Variants in MAEL observed in about 807,000 individuals in gnomAD.
MAEL encodes the protein maelstrom spermatogenic transposon silencer.
Under a neutral mutation model 62.0 loss-of-function variants are expected in MAEL, and 46 were observed. The observed-to-expected ratio is 0.74, with a 90% CI of 0.59 to 0.95. The LOEUF is 0.95. Ranked by LOEUF, MAEL falls within the 40% of genes least tolerant of loss-of-function variation. The pLI is 0.00. For missense variants in MAEL, 497 were observed against 526.8 expected (o/e 0.94, Z 0.55); for synonymous variants, 172 against 175.5 (o/e 0.98, Z 0.16).
intron 8 of MAEL, among the ~76,000 whole-genome samples, chr1:167,012,789 G>T (rs1283300232): frequency 6.6e-6 from 1 of 152,138 alleles, no homozygotes; most frequent in Admixed American, 6.6e-5. Flanking sequence ...AGATAGAAAA[G>T]CCTTGAGGTA....
rs562819345 is a variant in MAEL, at chr1:166,989,336, A to G, written c.-17A>G. 1.8e-5 allele frequency: 29 copies of G among 1,605,912 alleles called. No homozygotes were observed. Among genetic ancestry groups the G allele is most frequent in the East Asian group, 2.2e-5 (1 of 44,590 alleles). The stretch of plus-strand genomic sequence containing the variant: ...TGCTTTGTTCTGTCTGAGGCCAGGA[A>G]GTTTGACCGCGCTGCCATGCCGAAC... On this transcript the variant is annotated 5_prime_UTR_variant, in exon 1 of 12. Coordinates refer to ENST00000367872, the MANE Select transcript of MAEL (RefSeq NM_032858.3).
At chr1:167,000,733 T>G (rs1571256221) in intron 5 of MAEL, among the ~76,000 whole-genome samples, 1 of 152,196 alleles carries the variant, frequency 6.6e-6, no homozygotes, top group Non-Finnish European at 1.5e-5. Context: ...AACTGCAGGC[T>G]TCAGCAACCA....
chr1:166,981,630 TC>T (rs1663761125), intron 1 of MAEL, among the ~76,000 whole-genome samples: 1 of 152,160 alleles, frequency 6.6e-6, no homozygotes, highest in African/African-American at 2.4e-5. Context: ...AGAGATATCT[TC>T]ATGAAAAGGT....
chr1:166,989,352 C>T lies in MAEL; in HGVS notation c.-1C>T, dbSNP rs1468594565. The T allele has an allele frequency of 1.2e-6, 2 of 1,609,402 alleles. No individual in the cohort carries two copies. The highest frequency in any genetic ancestry group is 1.3e-5 in the African/African-American group (1 of 75,008). On this transcript the variant is annotated 5_prime_UTR_variant, in exon 1 of 12. Transcript: ENST00000367872. ...AGGCCAGGAAGTTTGACCGCGCTGC[C>T]ATGCCGAACCGTAAGGCCAGCCGGA...
Position 167,021,078 on chromosome 1 carries a change from C to T in MAEL, c.1042-7C>T, listed in dbSNP as rs1665609325. ...TTTTCCCCCTGGTATTTTCCTGTTA[C>T]TTACAGAAGCTAAGGGTTGGGAGTT... is the stretch of plus-strand genomic sequence containing the variant. On this transcript the variant is annotated splice_polypyrimidine_tract_variant and splice_region_variant and intron_variant, in intron 10 of 11. Coordinates refer to ENST00000367872, the MANE Select transcript of MAEL (RefSeq NM_032858.3). 1.1e-5 allele frequency: 17 copies of T among 1,603,936 alleles called. No homozygotes were observed. In the East Asian group the frequency reaches 3.8e-4, roughly 36 times the overall value.
chr1:167,008,611 C>T (rs760342681), intron 8 of MAEL, among the ~76,000 whole-genome samples: 4 of 151,766 alleles, frequency 2.6e-5, no homozygotes, highest in Non-Finnish European at 4.4e-5. Context: ...CTGTTACTCT[C>T]TTTGTATGTT....
At chr1:166,992,639 A>G (rs763033254) in intron 3 of MAEL, 47 bp from the exon 4 acceptor site, 1 of 1,407,480 alleles carries the variant, frequency 7.1e-7, no homozygotes, top group South Asian at 1.4e-5. Flanking sequence ...GGAAGAGGTA[A>G]ATTTGAGACA....
intron 8 of MAEL, among the ~76,000 whole-genome samples, chr1:167,012,726 G>GT (rs1665220793): frequency 6.6e-6 from 1 of 152,192 alleles, no homozygotes. Flanking sequence ...TAGAACCGAA[G>GT]TGGGAGAAAG....
intron 8 of MAEL, 155 bp downstream of exon 8, chr1:167,005,552 T>C (rs1255948197): frequency 1.6e-6 from 1 of 637,348 alleles, no homozygotes; most frequent in Non-Finnish European, 2.6e-6. Flanking sequence ...GATAGTAAGA[T>C]ATATTGTTAC....
At chr1:167,015,424 ACT>A (rs1665350326) in intron 8 of MAEL, among the ~76,000 whole-genome samples, 1 of 152,132 alleles carries the variant, frequency 6.6e-6, no homozygotes, top group Non-Finnish European at 1.5e-5. Flanking sequence ...GACTTTTTAC[ACT>A]GTTTAGTGTG....
At chr1:167,007,559 G>T (rs1039914192) in intron 8 of MAEL, among the ~76,000 whole-genome samples, 36 of 27,128 alleles carry the variant, frequency 1.3e-3, no homozygotes, top group African/African-American at 3.1e-3. Flanking sequence ...ATATATGTTT[G>T]TGTGTGTGTG....
chr1:167,006,601 CTATATATATA>C lies in MAEL; in HGVS notation c.845+1231_845+1240del, dbSNP rs200881169. Among the ~76,000 whole-genome samples the C allele has an allele frequency of 2.5e-3, 248 of 98,082 alleles. 3 individuals carry two copies. Among genetic ancestry groups the C allele is most frequent in the African/African-American group, 7.5e-3 (216 of 28,838 alleles). The allele number at this position is 98,082 out of a possible 152,430, so 64.3% of individuals were successfully genotyped here. ...CTATTGGAAAGTTACTGGTTTTTTA[CTATATATATA>C]TATATATATATATATATATATATAT... is the stretch of plus-strand genomic sequence containing the variant. On this transcript the variant is annotated intron_variant, in intron 8 of 11. Transcript: ENST00000367872.
At position 166,992,848 on chromosome 1, in the gene MAEL, A is replaced by T; in HGVS notation, c.481+7A>T. The T allele has an allele frequency of 6.3e-7, 1 of 1,579,148 alleles. No individual in the cohort carries two copies. The highest frequency in any genetic ancestry group is 8.6e-7 in the Non-Finnish European group (1 of 1,169,106). On this transcript the variant is annotated splice_region_variant and intron_variant, in intron 4 of 11. Coordinates refer to ENST00000367872, the MANE Select transcript of MAEL (RefSeq NM_032858.3). ...CACAGTTTTATAAATCCTGGTAAGTAGTCAGAGTAGATGCTAGATCTTAAA... is the reference window on the plus strand; with the variant it reads ...CACAGTTTTATAAATCCTGGTAAGTTGTCAGAGTAGATGCTAGATCTTAAA...
In MAEL at chr1:167,004,254, T is replaced by C; in HGVS notation, c.598T>C (p.Tyr200His). 1.2e-6 allele frequency: 2 copies of C among 1,608,884 alleles called. No homozygotes were observed. The highest frequency in any genetic ancestry group is 8.5e-7 in the Non-Finnish European group (1 of 1,177,700). ...HNQATVLQNL[Y>H]RFIHPNPGNW... is the part of the protein sequence containing the mutation. ...CCAAGCAACTGTGTTACAAAACCTTTATAGATTTATTCATCCCAACCCAGG... is the reference window on the plus strand; with the variant it reads ...CCAAGCAACTGTGTTACAAAACCTTCATAGATTTATTCATCCCAACCCAGG... The change falls in exon 6 of 12, where the codon TAT becomes CAT. Residue 200 changes from tyrosine to histidine, a missense_variant. Tyr to His is a moderately conservative substitution (Grantham distance 83, BLOSUM62 2). Coordinates refer to ENST00000367872, the MANE Select transcript of MAEL (RefSeq NM_032858.3).
chr1:166,990,367 T>C (rs1279061858), intron 2 of MAEL: 2 of 152,346 alleles, frequency 1.3e-5, no homozygotes, highest in African/African-American at 2.4e-5. Flanking sequence ...TTACAAGAGT[T>C]GAATAGGCTG....
chr1:166,997,315 T>G (rs1474445584), intron 5 of MAEL, among the ~76,000 whole-genome samples: 1 of 152,254 alleles, frequency 6.6e-6, no homozygotes, highest in Non-Finnish European at 1.5e-5. Flanking sequence ...TGCCGTGGGT[T>G]GTACAAGCGT....
chr1:166,997,592 G>A (rs956680161), intron 5 of MAEL, among the ~76,000 whole-genome samples: 2 of 152,162 alleles, frequency 1.3e-5, no homozygotes, highest in African/African-American at 4.8e-5. Context: ...CATGATGGCT[G>A]TTCACAGATG....
At chr1:167,020,716 T>G (rs1665589333) in intron 10 of MAEL, among the ~76,000 whole-genome samples, 1 of 152,166 alleles carries the variant, frequency 6.6e-6, no homozygotes, top group South Asian at 2.1e-4. Flanking sequence ...TTTTCTGTGT[T>G]CCTATCTAAA....
Position 167,004,317 on chromosome 1 carries a change from TAAG to T in MAEL, c.648+17_648+19del. On this transcript the variant is annotated intron_variant, in intron 6 of 11. Coordinates refer to ENST00000367872, the MANE Select transcript of MAEL (RefSeq NM_032858.3). ...TATCTACTGCAAGGTAATTTCAGGTTAAGAAGTTCTTTTAAGGTATCAATTTAT... is the reference window on the plus strand; with the variant it reads ...TATCTACTGCAAGGTAATTTCAGGTTAAGTTCTTTTAAGGTATCAATTTAT... 1 of 1,580,452 alleles carries T rather than the reference TAAG, an allele frequency of 6.3e-7. No homozygotes were observed.
Sources: allele counts gnomAD v4.1 joint callset (sites outside exome capture counted in the v4.1 genomes callset), GRCh38; gene constraint gnomAD v4.1.1; transcripts MANE v1.5; gene names NCBI Gene and HGNC (gene_info 2026-07-23, HGNC 2026-07-21).